The following PICALM variants were observed in gnomAD, a reference collection of about 807,000 sequenced individuals.
PICALM encodes the protein phosphatidylinositol-binding clathrin assembly protein.
A neutral mutation model predicts 80.5 loss-of-function variants in PICALM; 40 were observed. The observed-to-expected ratio is 0.50, with a 90% CI of 0.39 to 0.65. The LOEUF (loss-of-function observed/expected upper bound fraction) is 0.65. Among genes scored for constraint, PICALM ranks in the 30% least tolerant of loss-of-function variants. The probability of loss-of-function intolerance (pLI) is 0.00; values close to 1 mark genes in which losing one functional copy is unlikely to be tolerated. For synonymous variants in PICALM, 288 were observed against 260.3 expected (o/e 1.11, Z -1.02); for missense variants, 676 against 778.9 (o/e 0.87, Z 1.57).
At chr11:85,967,340 T>C (rs1432406140) in intron 19 of PICALM, among the ~76,000 whole-genome samples, 1 of 151,946 alleles carries the variant, frequency 6.6e-6, no homozygotes, top group Admixed American at 6.6e-5. Flanking sequence ...TTAAGAATAC[T>C]TTCTGGTTTT....
chr11:85,999,982 G>C (rs568211717), intron 11 of PICALM, among the ~76,000 whole-genome samples: 1 of 152,278 alleles, frequency 6.6e-6, no homozygotes, highest in African/African-American at 2.4e-5. Flanking sequence ...AGTCTCATCT[G>C]AAAACAAGGT....
chr11:86,020,011 G>A (rs1026384216), intron 4 of PICALM, among the ~76,000 whole-genome samples: 27 of 152,102 alleles, frequency 1.8e-4, no homozygotes, highest in African/African-American at 2.4e-5. Context: ...AATGTCTTCA[G>A]TGGCTTTCTC....
Position 85,990,361 on chromosome 11 carries a change from T to A in PICALM, c.1297A>T (p.Ile433Phe). 6.2e-7 allele frequency: 1 copy of A among 1,608,550 alleles called. No homozygotes were observed. The highest frequency in any genetic ancestry group is 8.5e-7 in the Non-Finnish European group (1 of 1,175,528). ...GTGAGGAAAGGATTTAAGCTTGGAATGGCATCATCAACAGCATCTACAGTA... is the reference window on the plus strand; with the variant it reads ...GTGAGGAAAGGATTTAAGCTTGGAAAGGCATCATCAACAGCATCTACAGTA... ...SATVDAVDDA[I>F]PSLNPFLTKS... The change falls in exon 13 of 20, where the codon ATT becomes TTT. Residue 433 changes from isoleucine (I) to phenylalanine (F), a missense_variant. Physicochemically the swap from Ile to Phe is conservative, Grantham distance 21. Transcript: ENST00000393346.
Position 86,010,123 on chromosome 11 carries a change from G to A in PICALM, c.765+907C>T, listed in dbSNP as rs569814743. On this transcript the variant is annotated intron_variant, in intron 7 of 19. Transcript: ENST00000393346. ...GGAGATGGGTAGAGGCTGGAGAATG[G>A]GAGAACAAACAAAAAAACCCCTTAA... 2.6e-5 allele frequency among the ~76,000 whole-genome samples: 4 copies of A among 152,190 alleles called. No individual in the cohort carries two copies. The South Asian group carries it at 8.3e-4, about 32-fold the overall frequency.
chr11:85,976,635 T>C lies in PICALM; in HGVS notation c.1827A>G (p.Ile609Met), dbSNP rs774132879. Residue 609 changes from isoleucine (I) to methionine (M), a missense_variant, in exon 18 of 20, where the codon ATA becomes ATG. Around this residue, in one of 2 missense-constraint regions of PICALM, gnomAD observed 391 missense variants for 383.6 expected, o/e 1.02. Coordinates refer to ENST00000393346, the MANE Select transcript of PICALM (RefSeq NM_007166.4). ...GGAAAATACTTACAATTCCATATCCTATCATGCCTGTTGGTGTAGTAGCAG... is the reference window on the plus strand; with the variant it reads ...GGAAAATACTTACAATTCCATATCCCATCATGCCTGTTGGTGTAGTAGCAG... ...AYPATTPTGM[I>M]GYGIPPQMGS... 7 of 1,596,488 alleles carry C rather than the reference T, an allele frequency of 4.4e-6. No individual in the cohort carries two copies. Among genetic ancestry groups the C allele is most frequent in the Non-Finnish European group, 6.0e-6 (7 of 1,164,048 alleles).
intron 6 of PICALM, among the ~76,000 whole-genome samples, chr11:86,011,932 C>G (rs958037775): frequency 1.3e-5 from 2 of 150,096 alleles, no homozygotes; most frequent in Non-Finnish European, 3.0e-5. Context: ...CTCACTGCAA[C>G]CTCCGCCTCC....
rs954942674 is a variant in PICALM, at chr11:86,040,505, G to C, written c.131-8894C>G. Among the ~76,000 whole-genome samples the C allele has an allele frequency of 2.0e-5, 3 of 152,088 alleles. No homozygotes were observed. In the East Asian group the frequency reaches 5.8e-4, roughly 29 times the overall value. On this transcript the variant is annotated intron_variant, in intron 1 of 19. Transcript: ENST00000393346. ...AGATGTGAGCCACCGCACTCAGCCAGATTACTTTTTATAGTAATCTTTCAT... is the reference window on the plus strand; with the variant it reads ...AGATGTGAGCCACCGCACTCAGCCACATTACTTTTTATAGTAATCTTTCAT...
intron 1 of PICALM, among the ~76,000 whole-genome samples, chr11:86,057,316 G>A (rs1028641780): frequency 2.6e-5 from 4 of 152,086 alleles, no homozygotes; most frequent in Admixed American, 1.3e-4. Context: ...AGAGGCAGGC[G>A]GATCACGAGG....
At chr11:86,040,791 T>A (rs1362885894) in intron 1 of PICALM, among the ~76,000 whole-genome samples, 1 of 152,082 alleles carries the variant, frequency 6.6e-6, no homozygotes, top group African/African-American at 2.4e-5. Flanking sequence ...TTCAGAGCTA[T>A]CCCTTTTGCT....
At chr11:86,015,077 CAT>C (rs2095458846) in intron 4 of PICALM, 114 bp from the exon 5 acceptor site, 2 of 639,280 alleles carry the variant, frequency 3.1e-6, no homozygotes, top group Non-Finnish European at 5.3e-6. Context: ...TGAAATGTCA[CAT>C]ATTTTTAAGT....
chr11:85,990,956 G>A (rs1020492114), intron 12 of PICALM, among the ~76,000 whole-genome samples: 3 of 152,256 alleles, frequency 2.0e-5, no homozygotes, highest in Admixed American at 1.3e-4. Context: ...TAAGAACAGA[G>A]ATGAAAGAAT....
chr11:86,022,797 TCA>T (rs10560667), intron 3 of PICALM, among the ~76,000 whole-genome samples: 74,715 of 151,586 alleles, frequency 0.49, 18,761 homozygotes, highest in East Asian at 0.59. Context: ...CTTGATAATC[TCA>T]CAACTCAAAT....
chr11:86,063,409 TTAACA>T (rs2096398818), intron 1 of PICALM, among the ~76,000 whole-genome samples: 1 of 152,186 alleles, frequency 6.6e-6, no homozygotes, highest in African/African-American at 2.4e-5. Context: ...ATACTATTTC[TTAACA>T]TAGCAAATAA....
chr11:86,005,514 C>A (rs766928133), intron 8 of PICALM, among the ~76,000 whole-genome samples: 2 of 151,844 alleles, frequency 1.3e-5, no homozygotes, highest in African/African-American at 2.4e-5. Flanking sequence ...GACCAGCCTG[C>A]GGAATATAGG....
chr11:86,016,195 T>C (rs1371033625), intron 4 of PICALM, among the ~76,000 whole-genome samples: 1 of 152,236 alleles, frequency 6.6e-6, no homozygotes. Context: ...CAGTCTTTCT[T>C]GTCATTAGCT....
intron 17 of PICALM, among the ~76,000 whole-genome samples, chr11:85,977,887 T>C (rs1304009677): frequency 6.6e-6 from 1 of 152,196 alleles, no homozygotes; most frequent in Non-Finnish European, 1.5e-5. Context: ...GTATTTCCCA[T>C]GCCACCATCA....
rs138978781 is a variant in PICALM, at chr11:86,050,803, A to G, written c.130+17848T>C. On this transcript the variant is annotated intron_variant, in intron 1 of 19. Coordinates refer to ENST00000393346, the MANE Select transcript of PICALM (RefSeq NM_007166.4). ...AAGACAATTTTTAATAAAGGTAGAA[A>G]GAAACTCCCTTTTTTTTACATCCAA... Among the ~76,000 whole-genome samples the G allele has an allele frequency of 2.8e-3, 421 of 150,344 alleles. 4 individuals are homozygous for G. The highest frequency in any genetic ancestry group is 9.6e-3 in the African/African-American group (398 of 41,502).
At chr11:86,013,239 C>T (rs1032491546) in intron 5 of PICALM, among the ~76,000 whole-genome samples, 2 of 151,930 alleles carry the variant, frequency 1.3e-5, no homozygotes, top group African/African-American at 4.8e-5. Flanking sequence ...TGCTTGAGCC[C>T]AGGAGTTGGA....
At chr11:86,010,912 A>G (rs1392674403) in intron 7 of PICALM, 118 bp downstream of exon 7, 3 of 644,228 alleles carry the variant, frequency 4.7e-6, no homozygotes, top group African/African-American at 1.9e-5. Flanking sequence ...ACAGCATAAT[A>G]ATGATTGAAT....
Sources: allele counts gnomAD v4.1 joint callset (sites outside exome capture counted in the v4.1 genomes callset), GRCh38; gene constraint gnomAD v4.1.1; regional missense constraint gnomAD v4.1.1; transcripts MANE v1.5; gene names NCBI Gene and HGNC (gene_info 2026-07-23, HGNC 2026-07-21).